C22orf15: variants seen among roughly 807,000 people sequenced by gnomAD.
The protein encoded by C22orf15 is uncharacterized protein C22orf15.
A neutral mutation model predicts 20.3 loss-of-function variants in C22orf15; 21 were observed. That is an observed-to-expected ratio of 1.04 (90% CI 0.74 to 1.49). The LOEUF (loss-of-function observed/expected upper bound fraction) is 1.49, where lower values mean the gene tolerates loss of function less well. Ranked by LOEUF, C22orf15 falls within the 40% of genes most tolerant of loss-of-function variation. C22orf15 has a pLI of 0.00. For synonymous variants in C22orf15, 78 were observed against 75.4 expected, an observed-to-expected ratio of 1.03 and a Z score of -0.18; for missense variants, 170 against 191.1, an observed-to-expected ratio of 0.89 and a Z score of 0.65.
At chr22:23,765,178 C>G in intron 5 of C22orf15, 1 of 1,438,834 alleles carries the variant, frequency 7.0e-7, no homozygotes, top group East Asian at 2.5e-5. Context: ...GGCTGGCACA[C>G]AGTAGGAGCT....
chr22:23,763,664 G>GA (rs1468833212), intron 1 of C22orf15, among the ~76,000 whole-genome samples: 1 of 152,244 alleles, frequency 6.6e-6, no homozygotes, highest in African/African-American at 2.4e-5. Context: ...TCAGACACCT[G>GA]AAACTCTAGC....
chr22:23,763,097 C>T lies in C22orf15; in HGVS notation c.-210C>T, dbSNP rs1925979632. 1.6e-6 allele frequency: 1 copy of T among 609,120 alleles called. No individual in the cohort carries two copies. The highest frequency in any genetic ancestry group is 3.4e-5 in the Admixed American group (1 of 29,706). 37.7% of individuals were successfully genotyped at this position (609,120 alleles called of 1,614,324 possible). On this transcript the variant is annotated 5_prime_UTR_variant, in exon 1 of 6. Transcript: ENST00000402217. ...GAGGAGGCCAGGAGTCTTGGACTAG[C>T]TGCAGGGTTTGAGCTAGGCTGAAGC...
intron 5 of C22orf15, chr22:23,765,485 G>A (rs1464760696): frequency 6.4e-7 from 1 of 1,550,702 alleles, no homozygotes; most frequent in African/African-American, 1.4e-5. Flanking sequence ...GCCGCCAGGG[G>A]CACCTAAGCT....
chr22:23,764,314 TGAAG>T lies in C22orf15; in HGVS notation c.173_176del (p.Glu58GlyfsTer13). On this transcript the variant is annotated frameshift_variant, in exon 3 of 6. Transcript: ENST00000402217. LOFTEE classifies it high-confidence loss of function. ...AACCTAGTGAGCCTGGAGGAGGACC[TGAAG>T]GAAGGGGCTTCCCGGGCCCAGACCA... The T allele has an allele frequency of 6.4e-7, 1 of 1,551,584 alleles. No homozygotes were observed. Among genetic ancestry groups the T allele is most frequent in the Non-Finnish European group, 8.7e-7 (1 of 1,146,968 alleles).
At chr22:23,765,613 C>T in intron 5 of C22orf15, 108 bp from the exon 6 acceptor site, 1 of 1,514,010 alleles carries the variant, frequency 6.6e-7, no homozygotes, top group Non-Finnish European at 8.9e-7. Flanking sequence ...GTCAGATGCC[C>T]TTGGGATCAC....
chr22:23,763,390 GCTTC>G, intron 1 of C22orf15, 59 bp downstream of exon 1: 1 of 1,503,906 alleles, frequency 6.6e-7, no homozygotes, highest in Non-Finnish European at 8.9e-7. Flanking sequence ...TCAGAGGCGT[GCTTC>G]CTTCCGCCCT....
rs1926271721 is a variant in C22orf15 at position 23,764,314 on chromosome 22, T to C, written c.167T>C (p.Leu56Pro). ...DGNLVSLEED[L>P]KEGASRAQTM... ...AACCTAGTGAGCCTGGAGGAGGACCTGAAGGAAGGGGCTTCCCGGGCCCAG... is the reference window on the plus strand; with the variant it reads ...AACCTAGTGAGCCTGGAGGAGGACCCGAAGGAAGGGGCTTCCCGGGCCCAG... Residue 56 changes from leucine (L) to proline (P), a missense_variant, in exon 3 of 6, where the codon CTG becomes CCG. Transcript: ENST00000402217. 1 of 1,551,584 alleles carries C rather than the reference T, an allele frequency of 6.4e-7. No homozygotes were observed. The highest frequency in any genetic ancestry group is 1.4e-5 in the African/African-American group (1 of 73,150).
intron 1 of C22orf15, 45 bp from the exon 2 acceptor site, chr22:23,764,042 G>C: frequency 6.5e-7 from 1 of 1,532,088 alleles, no homozygotes; most frequent in African/African-American, 1.4e-5. Context: ...CCGATTTGGA[G>C]GAAGGTAAGA....
In C22orf15 at chr22:23,764,904, T is replaced by A; in HGVS notation, c.435+2T>A. The A allele has an allele frequency of 6.2e-7, 1 of 1,606,716 alleles. No homozygotes were observed. Among genetic ancestry groups the A allele is most frequent in the Non-Finnish European group, 8.5e-7 (1 of 1,175,554 alleles). ...AGCCCCACTTCAAGGCCCAGAAAGG[T>A]GAGCTCCCTGCCACCCAGGAGTTGC... On this transcript the variant is annotated splice_donor_variant, in intron 5 of 5. Coordinates refer to ENST00000402217, the MANE Select transcript of C22orf15 (RefSeq NM_182520.3). LOFTEE classifies it high-confidence loss of function.
chr22:23,765,232 G>T, intron 5 of C22orf15: 1 of 1,465,892 alleles, frequency 6.8e-7, no homozygotes, highest in Non-Finnish European at 9.0e-7. Context: ...CGGCAGCATG[G>T]TGTGTGATGG....
intron 5 of C22orf15, 81 bp downstream of exon 5, chr22:23,764,983 C>T (rs368585570): frequency 2.0e-6 from 3 of 1,525,894 alleles, no homozygotes; most frequent in African/African-American, 2.8e-5. Flanking sequence ...ACAGAGACAC[C>T]CAGAGTGGGA....
chr22:23,764,224 G>T (rs1926244711), intron 2 of C22orf15, 36 bp from the exon 3 acceptor site: 4 of 1,551,424 alleles, frequency 2.6e-6, no homozygotes, highest in Non-Finnish European at 3.5e-6. Flanking sequence ...AGGCAGGGGT[G>T]CCAGCCCTGC....
rs764429922 is a variant in C22orf15 at position 23,765,721 on chromosome 22, G to A, written c.436G>A (p.Gly146Ser). 1.7e-5 allele frequency: 26 copies of A among 1,550,288 alleles called. No individual in the cohort carries two copies. The African/African-American group carries it at 3.2e-4, about 19-fold the overall frequency. The change falls in exon 6 of 6, where the codon GGC becomes AGC. Residue 146 changes from glycine (G) to serine (S), a missense_variant and splice_region_variant. Coordinates refer to ENST00000402217, the MANE Select transcript of C22orf15 (RefSeq NM_182520.3). Reference protein sequence around the residue: ...EQSPTSRPRKGPD With the variant: ...EQSPTSRPRKSPD ...AACAGGGCTCCTCCTCCCCACCCAG[G>A]GCCCTGATTAAGGGGATGGATTGCA... is the stretch of plus-strand genomic sequence containing the variant.
chr22:23,765,011 G>A (rs1481468748), intron 5 of C22orf15, 109 bp downstream of exon 5: 18 of 1,509,214 alleles, frequency 1.2e-5, no homozygotes, highest in African/African-American at 2.8e-5. Context: ...CTGCAGGACA[G>A]ACACATATGA....
chr22:23,764,364 G>A lies in C22orf15; in HGVS notation c.217G>A (p.Glu73Lys). 2 of 1,552,204 alleles carry A rather than the reference G, an allele frequency of 1.3e-6. No homozygotes were observed. Among genetic ancestry groups the A allele is most frequent in the East Asian group, 2.4e-5 (1 of 40,932 alleles). ...AQTMGNSLLK[E>K]RAIYVLVRII... ...GACCATGGGCAACTCCCTACTGAAG[G>A]AGCGAGCCATATATGTCCTCGTTCG... The change falls in exon 3 of 6, where the codon GAG becomes AAG. Residue 73 changes from glutamate to lysine, a missense_variant. Glu to Lys is a moderately conservative substitution (Grantham distance 56). Transcript: ENST00000402217.
rs779169693 is a variant in C22orf15, at chr22:23,764,755, C to T, written c.326-38C>T. 3.7e-6 allele frequency: 6 copies of T among 1,614,158 alleles called. No individual in the cohort carries two copies. The South Asian group carries it at 5.5e-5, about 15-fold the overall frequency. ...AGCCCAGGGGGAGGGCACACCTTCT[C>T]CCTAACCCCTACCAACAGGACTTCC... On this transcript the variant is annotated intron_variant, in intron 4 of 5. Coordinates refer to ENST00000402217, the MANE Select transcript of C22orf15 (RefSeq NM_182520.3).
Position 23,763,023 on chromosome 22 carries a change from C to A in C22orf15, c.-284C>A. 1 of 484,750 alleles carries A rather than the reference C, an allele frequency of 2.1e-6. No individual in the cohort carries two copies. Among genetic ancestry groups the A allele is most frequent in the Non-Finnish European group, 3.6e-6 (1 of 277,770 alleles). The allele number at this position is 484,750 out of a possible 1,614,324, so 30.0% of individuals were successfully genotyped here. A position where few individuals can be genotyped will look rare whatever the true frequency, so the allele number is the denominator to read the frequency against. On this transcript the variant is annotated 5_prime_UTR_variant, in exon 1 of 6. Coordinates refer to ENST00000402217, the MANE Select transcript of C22orf15 (RefSeq NM_182520.3). ...CCGCCCCCACTGCCATGGAGACCAG[C>A]TTGGAAGCTTAGGGGAGCTGCTGTG...
rs1926005667 is a variant in C22orf15 at position 23,763,293 on chromosome 22, C to T, written c.-14C>T. The T allele has an allele frequency of 1.1e-5, 17 of 1,550,402 alleles. No homozygotes were observed. The highest frequency in any genetic ancestry group is 1.8e-4 in the Middle Eastern group (1 of 5,642). ...GGATCAAAGCCCCCCACATCTCCCT[C>T]ACCCGCTGCAGCTATGTTTATCAAG... On this transcript the variant is annotated 5_prime_UTR_variant, in exon 1 of 6. Transcript: ENST00000402217.
intron 5 of C22orf15, chr22:23,765,332 T>G: frequency 6.5e-7 from 1 of 1,547,636 alleles, no homozygotes. Flanking sequence ...CAAGTTGGAC[T>G]CAGACCCAAG....
Sources: allele counts gnomAD v4.1 joint callset (sites outside exome capture counted in the v4.1 genomes callset), GRCh38; gene constraint gnomAD v4.1.1; transcripts MANE v1.5; gene names NCBI Gene and HGNC (gene_info 2026-07-23, HGNC 2026-07-21).